Variants in PDIA6 observed in about 807,000 individuals in gnomAD.
PDIA6 encodes the protein protein disulfide isomerase family A member 6.
In PDIA6, 29 loss-of-function variants were observed where a neutral mutation model predicts 58.4. That is an observed-to-expected ratio of 0.50 (90% confidence interval 0.37 to 0.68). The LOEUF (loss-of-function observed/expected upper bound fraction) is 0.68, where lower values mean the gene tolerates loss of function less well. PDIA6 is among the 30% of genes least tolerant of loss of function. PDIA6 has a pLI of 0.00. For missense variants in PDIA6, 480 were observed against 551.0 expected, an observed-to-expected ratio of 0.87 and a Z score of 1.29; for synonymous variants, 192 against 202.6, an observed-to-expected ratio of 0.95 and a Z score of 0.44.
chr2:10,834,732 C>CTCCCTTCCTCCCT (rs1217424185), upstream of PDIA6, among the ~76,000 whole-genome samples: 1 of 36,414 alleles, frequency 2.7e-5, no homozygotes, highest in African/African-American at 9.6e-5. Context: ...CCTTCCTTCC[C>CTCCCTTCCTCCCT]TCCTTCCTTC....
chr2:10,821,786 G>A (rs982332239), intron 1 of PDIA6, among the ~76,000 whole-genome samples: 4 of 151,766 alleles, frequency 2.6e-5, no homozygotes, highest in African/African-American at 7.3e-5. Context: ...TGCTATGCCC[G>A]GCTAATGTTT....
At chr2:10,821,583 A>G (rs946204179) in intron 1 of PDIA6, 2 of 152,180 alleles carry the variant, frequency 1.3e-5, no homozygotes, top group Non-Finnish European at 2.9e-5. Context: ...ATAGGGTTGT[A>G]AGTGTTTCTG....
rs140988540 is a variant in PDIA6, at chr2:10,787,292, G to A, written c.1146C>T (p.Asn382=). 7.1e-4 allele frequency: 1,141 copies of A among 1,613,780 alleles called. 8 individuals are homozygous for A. The African/African-American group carries it at 0.014, about 19-fold the overall frequency. ...AGAAAACAAATTACCTGAGAAACTC[G>A]TTGATGCCTTGCTCACTGAAGGAGC... is the stretch of plus-strand genomic sequence containing the variant. ...LKGSFSEQGI[N]EFLRELSFGR... The change falls in exon 11 of 13, where the codon AAC becomes AAT. Residue 382 remains asparagine (N), a synonymous_variant. Transcript: ENST00000272227.
chr2:10,813,061 C>A (rs1667079745), upstream of PDIA6, among the ~76,000 whole-genome samples: 2 of 152,092 alleles, frequency 1.3e-5, no homozygotes, highest in Admixed American at 6.5e-5. Context: ...GGAGGGGAGT[C>A]CAGTACTGGG....
At position 10,789,818 on chromosome 2, in the gene PDIA6, T is replaced by C. The variant is rs1159955598; in HGVS notation, c.771A>G (p.Thr257=). The C allele has an allele frequency of 6.2e-7, 1 of 1,613,800 alleles. No homozygotes were observed. Among genetic ancestry groups the C allele is most frequent in the Non-Finnish European group, 8.5e-7 (1 of 1,179,896 alleles). ...ESPVDYDGGR[T]RSDIVSRALD... ...GGGCCCGGGACACGATGTCGGATCT[T>C]GTCCGCCCACCGTCATAATCCACAG... Residue 257 remains threonine (T), a synonymous_variant, in exon 8 of 13, where the codon ACA becomes ACG. Transcript: ENST00000272227.
intron 4 of PDIA6, among the ~76,000 whole-genome samples, chr2:10,796,500 T>TA (rs79164237): frequency 0.021 from 2,788 of 132,242 alleles, 33 homozygotes; most frequent in Middle Eastern, 0.061. Context: ...CTCTGTCTCT[T>TA]AAAAAAAAAA....
chr2:10,814,890 C>A (rs866688410), upstream of PDIA6, among the ~76,000 whole-genome samples: 3 of 152,238 alleles, frequency 2.0e-5, no homozygotes, highest in Non-Finnish European at 2.9e-5. Context: ...GTGGCCCACA[C>A]TGCCAGTGCC....
intron 1 of PDIA6, chr2:10,810,183 G>C: frequency 1.2e-6 from 1 of 829,118 alleles, no homozygotes; most frequent in Non-Finnish European, 2.0e-6. Context: ...TATGTGGTAT[G>C]TGTCATGGTG....
chr2:10,797,953 AGGAG>A (rs202165135), intron 2 of PDIA6, among the ~76,000 whole-genome samples, 196 bp from the exon 3 acceptor site: 4,382 of 152,278 alleles, frequency 0.029, 211 homozygotes, highest in African/African-American at 0.098. Flanking sequence ...TGGGAGGCCG[AGGAG>A]GGAGGATCAC....
chr2:10,807,500 T>C (rs551843055), intron 1 of PDIA6, among the ~76,000 whole-genome samples: 2 of 152,348 alleles, frequency 1.3e-5, no homozygotes, highest in South Asian at 4.1e-4. Flanking sequence ...AAAATGTACT[T>C]ACAATGTTAA....
chr2:10,787,911 C>T (rs1665848645), intron 10 of PDIA6, among the ~76,000 whole-genome samples: 2 of 152,028 alleles, frequency 1.3e-5, no homozygotes, highest in Admixed American at 1.3e-4. Context: ...ACTAAAATCA[C>T]AAAAATTAGC....
At chr2:10,829,731 T>C (rs1055966356) in intron 1 of PDIA6, among the ~76,000 whole-genome samples, 2 of 152,190 alleles carry the variant, frequency 1.3e-5, no homozygotes, top group Admixed American at 1.3e-4. Flanking sequence ...TGTGGGTACA[T>C]AGTAGGTGTA....
upstream of PDIA6, among the ~76,000 whole-genome samples, chr2:10,835,614 G>A (rs937344343): frequency 6.6e-6 from 1 of 152,166 alleles, no homozygotes; most frequent in Non-Finnish European, 1.5e-5. Flanking sequence ...TAAAAGTAAA[G>A]CAGACATCTC....
At position 10,783,929 on chromosome 2, in the gene PDIA6, A is replaced by T. The variant is rs1227548154; in HGVS notation, c.*329T>A. 1.5e-5 allele frequency: 3 copies of T among 194,928 alleles called. No homozygotes were observed. The highest frequency in any genetic ancestry group is 2.3e-5 in the African/African-American group (1 of 42,976). The allele number at this position is 194,928 out of a possible 1,614,324, so 12.1% of individuals were successfully genotyped here. On this transcript the variant is annotated 3_prime_UTR_variant, in exon 13 of 13. Coordinates refer to ENST00000272227, the MANE Select transcript of PDIA6 (RefSeq NM_005742.4). ...AATATTCAAATGAAGGGATCACATT[A>T]AAAAAAACCCATACATAAGAAACAG...
chr2:10,823,834 CT>C (rs1308796878), intron 1 of PDIA6, among the ~76,000 whole-genome samples: 2 of 151,182 alleles, frequency 1.3e-5, no homozygotes, highest in Non-Finnish European at 3.0e-5. Flanking sequence ...CTAAAAAGAG[CT>C]GCTGTGCCCA....
intron 1 of PDIA6, among the ~76,000 whole-genome samples, chr2:10,807,811 A>C (rs1411264400): frequency 6.6e-6 from 1 of 152,250 alleles, no homozygotes; most frequent in African/African-American, 2.4e-5. Context: ...TTTTCAAATC[A>C]CTATCAAATG....
At chr2:10,790,149 T>C (rs1327114911) in intron 7 of PDIA6, among the ~76,000 whole-genome samples, 3 of 151,968 alleles carry the variant, frequency 2.0e-5, no homozygotes, top group African/African-American at 7.3e-5. Context: ...CGGCTAATAT[T>C]TGTATTTTTA....
At chr2:10,837,475 A>G (rs976617974), upstream of PDIA6, 5 of 692,386 alleles carry the variant, frequency 7.2e-6, no homozygotes, top group African/African-American at 8.8e-5. Context: ...AGAGGTTGGT[A>G]TGGAAACTCC....
intron 1 of PDIA6, among the ~76,000 whole-genome samples, chr2:10,820,364 C>T (rs1204325281): frequency 2.0e-5 from 3 of 152,112 alleles, no homozygotes; most frequent in Non-Finnish European, 2.9e-5. Flanking sequence ...TTCTGGCAAC[C>T]CCCACCCCAG....
Sources: gnomAD v4.1 joint callset for allele counts (sites outside exome capture counted in the v4.1 genomes callset) on GRCh38, gnomAD v4.1.1 for gene constraint, MANE v1.5 for transcripts, NCBI Gene and HGNC (gene_info 2026-07-23, HGNC 2026-07-21) for gene names.